The following WDPCP variants were observed in gnomAD, a reference collection of about 807,000 sequenced individuals.
WDPCP encodes the protein WD repeat-containing and planar cell polarity effector protein fritz homolog.
WDPCP carries 71 observed loss-of-function variants against 93.1 expected under a neutral mutation model. That is an observed-to-expected ratio of 0.76 (90% CI 0.63 to 0.93). The LOEUF (loss-of-function observed/expected upper bound fraction) is 0.93. Among genes scored for constraint, WDPCP ranks in the 40% least tolerant of loss-of-function variants. The probability of loss-of-function intolerance (pLI) is 0.00; values close to 1 mark genes in which losing one functional copy is unlikely to be tolerated. For synonymous variants in WDPCP, 315 were observed against 315.0 expected, an observed-to-expected ratio of 1.00 and a Z score of 0.00; for missense variants, 844 against 887.4, an observed-to-expected ratio of 0.95 and a Z score of 0.62.
At chr2:63,392,549 A>G (rs1693353136) in intron 10 of WDPCP, among the ~76,000 whole-genome samples, 1 of 152,180 alleles carries the variant, frequency 6.6e-6, no homozygotes, top group Non-Finnish European at 1.5e-5. Context: ...ATCTAATTAA[A>G]CTAAAGAGCT....
chr2:63,205,727 G>A (rs1016928803), intron 14 of WDPCP, among the ~76,000 whole-genome samples: 2 of 152,150 alleles, frequency 1.3e-5, no homozygotes, highest in African/African-American at 2.4e-5. Flanking sequence ...CTTTTGTGTG[G>A]ATTCTTTAAA....
chr2:63,771,048 C>A (rs1250851766), intron 2 of WDPCP, among the ~76,000 whole-genome samples: 13 of 151,136 alleles, frequency 8.6e-5, no homozygotes. Flanking sequence ...ACATTTTTAA[C>A]CTGTAACATA....
intron 2 of WDPCP, among the ~76,000 whole-genome samples, chr2:63,700,299 A>AG (rs1669027893): frequency 9.7e-6 from 1 of 102,698 alleles, no homozygotes; most frequent in African/African-American, 3.3e-5. Context: ...AAAAAAAAAA[A>AG]AAAACAAAAA....
At chr2:63,413,664 G>A (rs765612136) in intron 9 of WDPCP, among the ~76,000 whole-genome samples, 2 of 152,122 alleles carry the variant, frequency 1.3e-5, no homozygotes, top group Non-Finnish European at 2.9e-5. Context: ...CAGGTGTGGT[G>A]GCGGGAGCCT....
intron 2 of WDPCP, among the ~76,000 whole-genome samples, chr2:63,654,798 T>C (rs1710146959): frequency 6.6e-6 from 1 of 152,072 alleles, no homozygotes; most frequent in Non-Finnish European, 1.5e-5. Flanking sequence ...ATGCAAATAA[T>C]TGTTATACTG....
intron 2 of WDPCP, among the ~76,000 whole-genome samples, chr2:63,745,835 C>T (rs1669787774): frequency 6.6e-6 from 1 of 152,136 alleles, no homozygotes. Flanking sequence ...TTATGAAGTA[C>T]TGCCAAACTG....
intron 6 of WDPCP, among the ~76,000 whole-genome samples, chr2:63,453,338 A>G (rs995810499): frequency 4.6e-5 from 7 of 152,220 alleles, no homozygotes; most frequent in Non-Finnish European, 8.8e-5. Flanking sequence ...CAGACACATG[A>G]AAAAATGCTC....
At chr2:63,159,272 T>C (rs1398501847) in intron 15 of WDPCP, among the ~76,000 whole-genome samples, 1 of 152,018 alleles carries the variant, frequency 6.6e-6, no homozygotes, top group East Asian at 1.9e-4. Context: ...GTTGGTTTTT[T>C]AAAGAGATGA....
intron 2 of WDPCP, among the ~76,000 whole-genome samples, chr2:63,775,783 T>G (rs894185102): frequency 1.3e-5 from 2 of 152,230 alleles, no homozygotes; most frequent in Non-Finnish European, 2.9e-5. Flanking sequence ...TTATGCAGTA[T>G]TCCCAACAGT....
chr2:63,698,743 AAG>A (rs2103696236), intron 2 of WDPCP, among the ~76,000 whole-genome samples: 1 of 152,302 alleles, frequency 6.6e-6, no homozygotes, highest in South Asian at 2.1e-4. Flanking sequence ...TACTCAGAAA[AAG>A]AGGGAGGGGG....
intron 2 of WDPCP, among the ~76,000 whole-genome samples, chr2:63,793,945 T>C (rs1180034596): frequency 2.6e-5 from 4 of 151,482 alleles, no homozygotes; most frequent in Non-Finnish European, 2.9e-5. Flanking sequence ...GGCAGGAAAT[T>C]TAATTTTTAA....
At chr2:63,349,559 G>T (rs1490973079) in intron 12 of WDPCP, among the ~76,000 whole-genome samples, 1 of 151,898 alleles carries the variant, frequency 6.6e-6, no homozygotes, top group Non-Finnish European at 1.5e-5. Context: ...AAGGTTTATT[G>T]GCATTTTCAT....
chr2:63,574,310 C>T (rs1275781185), intron 1 of WDPCP, among the ~76,000 whole-genome samples: 1 of 152,136 alleles, frequency 6.6e-6, no homozygotes, highest in African/African-American at 2.4e-5. Context: ...GTACTCTGTC[C>T]CTTTATTTCT....
In WDPCP at chr2:63,667,288, G is replaced by A. The variant is rs1490818221; in HGVS notation, n.309-16450C>T. Among the ~76,000 whole-genome samples, 4 of 152,186 alleles carry A rather than the reference G, an allele frequency of 2.6e-5. No homozygotes were observed. In the East Asian group the frequency reaches 7.7e-4, roughly 29 times the overall value. ...CACACCCATTTATTCGCCATGGGGT[G>A]AGGCTGGCATAGGTTTGTCCTCTAG... is the stretch of plus-strand genomic sequence containing the variant. On this transcript the variant is annotated intron_variant and non_coding_transcript_variant, in intron 2 of 4. Transcript: ENST00000467687.
chr2:63,526,732 T>C (rs1703366405), intron 1 of WDPCP, among the ~76,000 whole-genome samples: 1 of 152,214 alleles, frequency 6.6e-6, no homozygotes, highest in Non-Finnish European at 1.5e-5. Context: ...GCAAATGTTG[T>C]TTCTTCCTAA....
chr2:63,215,916 C>T (rs1677292624), intron 14 of WDPCP, among the ~76,000 whole-genome samples: 1 of 152,180 alleles, frequency 6.6e-6, no homozygotes, highest in African/African-American at 2.4e-5. Flanking sequence ...AGACATTTCT[C>T]AAAAGAAGAC....
chr2:63,123,606 C>T (rs1156581478), intron 17 of WDPCP, among the ~76,000 whole-genome samples: 1 of 152,032 alleles, frequency 6.6e-6, no homozygotes, highest in Non-Finnish European at 1.5e-5. Context: ...TCCAAGGTTT[C>T]CATTGCTATA....
chr2:63,610,033 T>C (rs966769738), intron 3 of WDPCP, among the ~76,000 whole-genome samples: 2 of 152,192 alleles, frequency 1.3e-5, no homozygotes, highest in African/African-American at 4.8e-5. Context: ...TATCTCTTTA[T>C]GCCATTTTTT....
intron 2 of WDPCP, among the ~76,000 whole-genome samples, chr2:63,802,214 C>T (rs1003261817): frequency 7.7e-6 from 1 of 129,456 alleles, no homozygotes; most frequent in South Asian, 2.6e-4. Flanking sequence ...GGAAGGCCAA[C>T]GTGGGCAGAT....
Sources: gnomAD v4.1 joint callset for allele counts (sites outside exome capture counted in the v4.1 genomes callset) on GRCh38, gnomAD v4.1.1 for gene constraint, MANE v1.5 for transcripts, NCBI Gene and HGNC (gene_info 2026-07-23, HGNC 2026-07-21) for gene names.